The following PARL variants were observed in gnomAD, a reference collection of about 807,000 sequenced individuals.
The protein encoded by PARL is presenilin-associated rhomboid-like protein, mitochondrial.
Under a neutral mutation model 51.6 loss-of-function variants are expected in PARL, and 44 were observed. The observed-to-expected ratio is 0.85, with a 90% CI of 0.67 to 1.10. The LOEUF (loss-of-function observed/expected upper bound fraction) is 1.10, where lower values mean the gene tolerates loss of function less well. Among genes scored for constraint, PARL ranks in the 50% least tolerant of loss-of-function variants. The probability of loss-of-function intolerance (pLI) is 0.00; values close to 1 mark genes in which losing one functional copy is unlikely to be tolerated. For missense variants in PARL, 441 were observed against 469.5 expected, an observed-to-expected ratio of 0.94 and a Z score of 0.56; for synonymous variants, 172 against 164.0, an observed-to-expected ratio of 1.05 and a Z score of -0.37.
intron 1 of PARL, among the ~76,000 whole-genome samples, chr3:183,876,387 C>T (rs1188202605): frequency 6.6e-6 from 1 of 151,776 alleles, no homozygotes; most frequent in Non-Finnish European, 1.5e-5. Flanking sequence ...CGACCAAATG[C>T]TGAGAAAAAA....
intron 4 of PARL, among the ~76,000 whole-genome samples, chr3:183,854,681 A>T (rs113482556): frequency 0.045 from 6,797 of 151,844 alleles, 175 homozygotes; most frequent in Middle Eastern, 0.079. Context: ...GAATATACTG[A>T]ACTCTACTGA....
At chr3:183,872,210 C>T (rs1733300619) in intron 1 of PARL, among the ~76,000 whole-genome samples, 6 of 152,130 alleles carry the variant, frequency 3.9e-5, no homozygotes, top group Admixed American at 3.9e-4. Context: ...CCACGTTATT[C>T]AGGCTGGTCG....
At chr3:183,867,757 T>A in intron 2 of PARL, 108 bp downstream of exon 2, 1 of 814,678 alleles carries the variant, frequency 1.2e-6, no homozygotes, top group East Asian at 2.4e-5. Flanking sequence ...CAGCTCTTTT[T>A]GATCCCCCCT....
At chr3:183,833,945 A>G in intron 7 of PARL, 120 bp from the exon 8 acceptor site, 4 of 731,432 alleles carry the variant, frequency 5.5e-6, no homozygotes, top group Non-Finnish European at 1.0e-5. Flanking sequence ...CTAGGTGAGC[A>G]CAAAGCTTCA....
intron 9 of PARL, among the ~76,000 whole-genome samples, chr3:183,830,438 T>C (rs1430537759): frequency 6.6e-6 from 1 of 152,014 alleles, no homozygotes; most frequent in Non-Finnish European, 1.5e-5. Context: ...TTCTGTGAGC[T>C]GGGGAGCACA....
intron 4 of PARL, among the ~76,000 whole-genome samples, chr3:183,849,746 C>T (rs867465716): frequency 5.3e-5 from 8 of 151,378 alleles, no homozygotes; most frequent in Admixed American, 2.0e-4. Context: ...GCTACAGTGA[C>T]AAAGAAAAAA....
intron 1 of PARL, among the ~76,000 whole-genome samples, chr3:183,875,566 T>C (rs1313600653): frequency 6.6e-6 from 1 of 152,254 alleles, no homozygotes; most frequent in East Asian, 1.9e-4. Context: ...TTCAATTCTA[T>C]GAAGGCTGAA....
intron 7 of PARL, among the ~76,000 whole-genome samples, chr3:183,839,783 GGTGCA>G (rs1729075830): frequency 6.7e-6 from 1 of 149,996 alleles, no homozygotes; most frequent in Non-Finnish European, 1.5e-5. Flanking sequence ...CCCAGGCTGG[GGTGCA>G]GTGGTACAAT....
chr3:183,855,967 C>T, intron 4 of PARL, among the ~76,000 whole-genome samples: 1 of 124,256 alleles, frequency 8.0e-6, no homozygotes, highest in African/African-American at 3.1e-5. Flanking sequence ...AAAAAATAAA[C>T]AAACAAAAAA....
At chr3:183,878,744 G>A (rs1734121763) in intron 1 of PARL, among the ~76,000 whole-genome samples, 1 of 152,162 alleles carries the variant, frequency 6.6e-6, no homozygotes, top group Admixed American at 6.6e-5. Flanking sequence ...TCTGGGGCAA[G>A]GTGAGTCTGA....
chr3:183,880,922 C>A (rs940177009), intron 1 of PARL, among the ~76,000 whole-genome samples: 2 of 151,976 alleles, frequency 1.3e-5, no homozygotes. Context: ...CTCAAGCAAT[C>A]CTCCTCCCTT....
chr3:183,826,867 CT>C, downstream of PARL: 1 of 663,764 alleles, frequency 1.5e-6, no homozygotes, highest in Admixed American at 6.3e-5. Context: ...GAGCAGCTCT[CT>C]TTTTATTACT....
In PARL at chr3:183,844,458, C is replaced by CA. The variant is rs553843062; in HGVS notation, c.512-133dup. On this transcript the variant is annotated intron_variant, in intron 4 of 9. Transcript: ENST00000317096. Reference sequence around the variant, plus strand: ...TATACCTGGGGGATAGGGGGTGAGCCAAAAAAAAGCAAGTGAAATGAATGC... The same window carrying CA: ...TATACCTGGGGGATAGGGGGTGAGCCAAAAAAAAAGCAAGTGAAATGAATGC... 5.4e-4 allele frequency: 346 copies of CA among 646,512 alleles called. 2 individuals are homozygous for CA. Among genetic ancestry groups the CA allele is most frequent in the African/African-American group, 5.1e-3 (273 of 53,934 alleles). The allele number at this position is 646,512 out of a possible 1,614,324, so 40.0% of individuals were successfully genotyped here.
rs1734580238 is a variant in PARL at position 183,882,246 on chromosome 3, TA to T, written c.125+2475del. Among the ~76,000 whole-genome samples the T allele has an allele frequency of 1.3e-3, 18 of 14,372 alleles. 1 individual carries two copies. In the East Asian group the frequency reaches 0.022, roughly 17 times the overall value. The allele number at this position is 14,372 out of a possible 152,430, so 9.4% of individuals were successfully genotyped here. The stretch of plus-strand genomic sequence containing the variant: ...AAATATATATATATATATATATATT[TA>T]TATATATATATATATATATATTTAT... On this transcript the variant is annotated intron_variant, in intron 1 of 9. Transcript: ENST00000317096.
chr3:183,847,634 A>C (rs537917335), intron 4 of PARL, among the ~76,000 whole-genome samples: 1 of 152,246 alleles, frequency 6.6e-6, no homozygotes, highest in South Asian at 2.1e-4. Flanking sequence ...AACATGATGA[A>C]ATGTAGCAGT....
At chr3:183,884,374 C>T (rs983573280) in intron 1 of PARL, among the ~76,000 whole-genome samples, 27 of 152,168 alleles carry the variant, frequency 1.8e-4, no homozygotes, top group African/African-American at 6.3e-4. Context: ...GAATAAAAAC[C>T]GCCATTCTGC....
At chr3:183,868,422 C>T (rs543086543) in intron 1 of PARL, among the ~76,000 whole-genome samples, 2 of 151,968 alleles carry the variant, frequency 1.3e-5, no homozygotes, top group East Asian at 3.9e-4. Context: ...GGTCTCCCTC[C>T]GTCGCCCAGG....
intron 4 of PARL, among the ~76,000 whole-genome samples, chr3:183,848,167 C>G (rs1225333393): frequency 1.3e-5 from 2 of 152,252 alleles, no homozygotes; most frequent in African/African-American, 4.8e-5. Flanking sequence ...AGGCTTATAG[C>G]AAACCAGGGT....
intron 4 of PARL, among the ~76,000 whole-genome samples, chr3:183,850,557 C>A (rs996019004): frequency 6.6e-6 from 1 of 152,182 alleles, no homozygotes; most frequent in Non-Finnish European, 1.5e-5. Flanking sequence ...ATTCAACTTA[C>A]TACAACTGGG....
Sources: allele counts gnomAD v4.1 joint callset (sites outside exome capture counted in the v4.1 genomes callset), GRCh38; gene constraint gnomAD v4.1.1; transcripts MANE v1.5; gene names NCBI Gene and HGNC (gene_info 2026-07-23, HGNC 2026-07-21).